The following CREB5 variants were observed in gnomAD, a reference collection of about 807,000 sequenced individuals.
The protein encoded by CREB5 is cyclic AMP-responsive element-binding protein 5.
Under a neutral mutation model 57.1 loss-of-function variants are expected in CREB5, and 19 were observed. The ratio of observed to expected loss-of-function variants is 0.33; its 90% CI spans 0.23 to 0.49. CREB5 has a LOEUF of 0.49. Among genes scored for constraint, CREB5 ranks in the 20% least tolerant of loss-of-function variants. The probability of loss-of-function intolerance (pLI) is 0.99; values close to 1 mark genes in which losing one functional copy is unlikely to be tolerated. For synonymous variants in CREB5, 238 were observed against 238.3 expected (o/e 1.00, Z 0.01); for missense variants, 579 against 671.6 (o/e 0.86, Z 1.52).
intron 5 of CREB5, among the ~76,000 whole-genome samples, chr7:28,639,484 G>A (rs981818727): frequency 2.6e-5 from 4 of 152,118 alleles, no homozygotes; most frequent in African/African-American, 4.8e-5. Context: ...TCAAAAATGA[G>A]CATTGAACAA....
chr7:28,701,558 C>T (rs201413156), intron 5 of CREB5, among the ~76,000 whole-genome samples: 2 of 152,090 alleles, frequency 1.3e-5, no homozygotes, highest in African/African-American at 4.8e-5. Context: ...ATCTATAATT[C>T]TTACTACATA....
At chr7:28,302,441 T>C (rs1269727055) in intron 1 of CREB5, among the ~76,000 whole-genome samples, 1 of 152,238 alleles carries the variant, frequency 6.6e-6, no homozygotes, top group Non-Finnish European at 1.5e-5. Context: ...GTTTACTGTT[T>C]GGAAATCAAA....
At chr7:28,687,305 T>C (rs1187283808) in intron 5 of CREB5, among the ~76,000 whole-genome samples, 9 of 151,936 alleles carry the variant, frequency 5.9e-5, no homozygotes, top group Non-Finnish European at 1.0e-4. Context: ...GAGGGGGCGA[T>C]GATGAAGACT....
intron 1 of CREB5, among the ~76,000 whole-genome samples, chr7:28,405,454 C>T (rs763820527): frequency 1.2e-4 from 18 of 152,266 alleles, no homozygotes; most frequent in Non-Finnish European, 2.4e-4. Context: ...CTCTATCATC[C>T]ATGCTGGAGT....
Position 28,641,942 on chromosome 7 carries a change from G to A in CREB5, c.464+71405G>A, listed in dbSNP as rs116933716. Among the ~76,000 whole-genome samples the A allele has an allele frequency of 6.3e-4, 96 of 152,324 alleles. 1 individual carries two copies. Among genetic ancestry groups the A allele is most frequent in the Non-Finnish European group, 1.2e-3 (84 of 68,030 alleles). ...AAAAGGCACGTGTGTGCACGTGTGT[G>A]TATGTGCTCCTGTGTGTGCACGTGT... is the stretch of plus-strand genomic sequence containing the variant. On this transcript the variant is annotated intron_variant, in intron 5 of 10. Transcript: ENST00000357727.
At chr7:28,644,853 G>A (rs758118409) in intron 5 of CREB5, among the ~76,000 whole-genome samples, 19 of 152,118 alleles carry the variant, frequency 1.2e-4, no homozygotes, top group Admixed American at 2.0e-4. Flanking sequence ...ATTTCTACCA[G>A]TCTTTCTAGA....
At position 28,800,935 on chromosome 7, in the gene CREB5, C is replaced by T. The variant is rs368727749; in HGVS notation, c.703-3264C>T. Among the ~76,000 whole-genome samples, 216 of 152,326 alleles carry T rather than the reference C, an allele frequency of 1.4e-3. 4 individuals are homozygous for T. The highest frequency in any genetic ancestry group is 5.0e-3 in the African/African-American group (206 of 41,582). On this transcript the variant is annotated intron_variant, in intron 7 of 10. Transcript: ENST00000357727. ...GCACCTTCTCTCTTGGTTTAGAGAA[C>T]AGGCTTTGGAGTTAGAGTGGCTTTG...
chr7:28,470,833 G>A (rs1216901508), intron 1 of CREB5, among the ~76,000 whole-genome samples: 5 of 152,170 alleles, frequency 3.3e-5, no homozygotes, highest in African/African-American at 7.2e-5. Context: ...GATAAATGAC[G>A]TTGCACACCC....
Position 28,583,637 on chromosome 7 carries a change from T to C in CREB5, c.464+13100T>C, listed in dbSNP as rs140936397. 2.8e-3 allele frequency among the ~76,000 whole-genome samples: 431 copies of C among 152,326 alleles called. 1 individual carries two copies. Among genetic ancestry groups the C allele is most frequent in the Middle Eastern group, 6.8e-3 (2 of 294 alleles). The stretch of plus-strand genomic sequence containing the variant: ...AAGAGGAGCAGAGAGGCAGCATTCA[T>C]GGGCAGAGCCGCCTGTGCTTCAGCC... On this transcript the variant is annotated intron_variant, in intron 5 of 10. Coordinates refer to ENST00000357727, the MANE Select transcript of CREB5 (RefSeq NM_182898.4).
chr7:28,522,393 T>G (rs1164956095), intron 4 of CREB5, among the ~76,000 whole-genome samples: 5 of 116,144 alleles, frequency 4.3e-5, no homozygotes, highest in East Asian at 4.6e-4. Context: ...GCTCTTTGTT[T>G]TTTTTTTTTT....
At chr7:28,819,090 T>C in intron 10 of CREB5, 26 bp from the exon 11 acceptor site, 1 of 1,606,040 alleles carries the variant, frequency 6.2e-7, no homozygotes, top group South Asian at 1.1e-5. Flanking sequence ...TGTATGTGTG[T>C]GTGTTGTCTT....
At chr7:28,625,369 C>T (rs934328320) in intron 5 of CREB5, among the ~76,000 whole-genome samples, 8 of 152,254 alleles carry the variant, frequency 5.3e-5, no homozygotes, top group East Asian at 1.9e-4. Flanking sequence ...CCTCCAACTA[C>T]GGGAAGTGCA....
At chr7:28,624,674 G>A (rs1305169369) in intron 5 of CREB5, among the ~76,000 whole-genome samples, 2 of 88,200 alleles carry the variant, frequency 2.3e-5, no homozygotes, top group South Asian at 5.0e-4. Context: ...GCCAACAGAC[G>A]TGAAAAAAAA....
chr7:28,739,751 G>C (rs1015221147), intron 7 of CREB5, among the ~76,000 whole-genome samples: 1 of 152,162 alleles, frequency 6.6e-6, no homozygotes, highest in Non-Finnish European at 1.5e-5. Flanking sequence ...TGTTGTTTAT[G>C]ACTTGGGTCT....
rs553646043 is a variant in CREB5 at position 28,424,841 on chromosome 7, G to A, written c.3+11924G>A. Among the ~76,000 whole-genome samples the A allele has an allele frequency of 2.0e-5, 3 of 152,274 alleles. No individual in the cohort carries two copies. In the East Asian group the frequency reaches 5.8e-4, roughly 29 times the overall value. Reference sequence around the variant, plus strand: ...TCAGTGTGGGAAGGAAAAAAATTCTGATTTTCTGGTTGTTGATGGATAATT... The same window carrying A: ...TCAGTGTGGGAAGGAAAAAAATTCTAATTTTCTGGTTGTTGATGGATAATT... On this transcript the variant is annotated intron_variant, in intron 1 of 10. Coordinates refer to ENST00000357727, the MANE Select transcript of CREB5 (RefSeq NM_182898.4).
intron 1 of CREB5, among the ~76,000 whole-genome samples, chr7:28,456,291 C>T (rs979288449): frequency 3.3e-5 from 5 of 152,198 alleles, no homozygotes; most frequent in African/African-American, 1.2e-4. Flanking sequence ...AGTTACAAAT[C>T]TGTGGCTTTG....
At chr7:28,424,709 C>T (rs1788426073) in intron 1 of CREB5, among the ~76,000 whole-genome samples, 2 of 152,230 alleles carry the variant, frequency 1.3e-5, no homozygotes, top group African/African-American at 4.8e-5. Flanking sequence ...TAGTTTGCCA[C>T]TCTGGCAGCC....
At chr7:28,350,981 T>C (rs1272073048) in intron 1 of CREB5, among the ~76,000 whole-genome samples, 2 of 152,384 alleles carry the variant, frequency 1.3e-5, no homozygotes, top group South Asian at 2.1e-4. Flanking sequence ...ACAGTTACCA[T>C]GGACTTTGAG....
At chr7:28,473,836 T>G (rs750895315) in intron 1 of CREB5, among the ~76,000 whole-genome samples, 5 of 152,204 alleles carry the variant, frequency 3.3e-5, no homozygotes, top group Non-Finnish European at 5.9e-5. Context: ...ATTGTCACCT[T>G]TGGGTCCATG....
Sources: gnomAD v4.1 joint callset for allele counts (sites outside exome capture counted in the v4.1 genomes callset) on GRCh38, gnomAD v4.1.1 for gene constraint, MANE v1.5 for transcripts, NCBI Gene and HGNC (gene_info 2026-07-23, HGNC 2026-07-21) for gene names.